ARL15: variants seen among roughly 807,000 people sequenced by gnomAD.
ARL15 encodes ARF like GTPase 15.
Under a neutral mutation model 25.2 loss-of-function variants are expected in ARL15, and 19 were observed. That is an observed-to-expected ratio of 0.75 (90% confidence interval 0.53 to 1.10). The LOEUF (loss-of-function observed/expected upper bound fraction) is 1.10, where lower values mean the gene tolerates loss of function less well. ARL15 is among the 50% of genes least tolerant of loss of function. The pLI is 0.00. For synonymous variants in ARL15, 94 were observed against 86.8 expected, an observed-to-expected ratio of 1.08 and a Z score of -0.46; for missense variants, 220 against 246.0, an observed-to-expected ratio of 0.89 and a Z score of 0.71.
intron 1 of ARL15, among the ~76,000 whole-genome samples, chr5:54,279,576 C>T (rs532942354): frequency 2.0e-5 from 3 of 152,204 alleles, no homozygotes; most frequent in Non-Finnish European, 2.9e-5. Flanking sequence ...CATCCCCAAA[C>T]ATCATCACAT....
At chr5:54,021,381 A>G (rs1391367232) in intron 4 of ARL15, among the ~76,000 whole-genome samples, 2 of 152,220 alleles carry the variant, frequency 1.3e-5, no homozygotes, top group African/African-American at 4.8e-5. Flanking sequence ...GCAATAATAA[A>G]GAAGCATAAA....
intron 4 of ARL15, among the ~76,000 whole-genome samples, chr5:54,026,050 A>G (rs1749778035): frequency 6.6e-6 from 1 of 152,238 alleles, no homozygotes; most frequent in Non-Finnish European, 1.5e-5. Flanking sequence ...CATTTATCAA[A>G]GAAGTAAATA....
At chr5:53,970,109 C>T (rs956648053) in intron 4 of ARL15, among the ~76,000 whole-genome samples, 22 of 152,078 alleles carry the variant, frequency 1.4e-4, no homozygotes, top group African/African-American at 5.3e-4. Flanking sequence ...AGAGGAAACT[C>T]CCCCCAAATG....
chr5:54,080,019 A>G (rs1203364663), intron 4 of ARL15, among the ~76,000 whole-genome samples: 1 of 144,944 alleles, frequency 6.9e-6, no homozygotes, highest in Non-Finnish European at 1.6e-5. Flanking sequence ...ACACACACAG[A>G]CACAGATGTA....
chr5:54,071,169 CA>C (rs71598898), intron 4 of ARL15, among the ~76,000 whole-genome samples: 28,484 of 137,556 alleles, frequency 0.21, 3,190 homozygotes, highest in African/African-American at 0.34. Context: ...GACCCTGTCT[CA>C]AAAAAAAAAA....
At position 54,049,879 on chromosome 5, in the gene ARL15, T is replaced by C. The variant is rs115994042; in HGVS notation, c.462+63323A>G. Among the ~76,000 whole-genome samples, 802 of 152,196 alleles carry C rather than the reference T, an allele frequency of 5.3e-3. 2 individuals are homozygous for C. The highest frequency in any genetic ancestry group is 0.012 in the Admixed American group (180 of 15,280). ...GAGCCACGACTCCCAGCCTGAAATA[T>C]AGATTTTAATCTTCAGCTTGCATTT... On this transcript the variant is annotated intron_variant, in intron 4 of 4. Transcript: ENST00000504924.
At chr5:54,266,320 C>T (rs1451372904) in intron 1 of ARL15, among the ~76,000 whole-genome samples, 1 of 152,194 alleles carries the variant, frequency 6.6e-6, no homozygotes, top group East Asian at 1.9e-4. Flanking sequence ...GGACCAGCTT[C>T]TGCCTGCTTT....
At chr5:54,230,132 AC>A (rs557368707) in intron 1 of ARL15, among the ~76,000 whole-genome samples, 2 of 152,074 alleles carry the variant, frequency 1.3e-5, no homozygotes, top group Non-Finnish European at 2.9e-5. Flanking sequence ...CAGGTGGATC[AC>A]AAGGTCAGGA....
intron 3 of ARL15, among the ~76,000 whole-genome samples, chr5:54,141,385 T>A (rs868638904): frequency 3.9e-5 from 6 of 152,186 alleles, no homozygotes; most frequent in African/African-American, 1.4e-4. Flanking sequence ...CAAGCTTTTT[T>A]TACCTTAATC....
At chr5:54,164,054 C>G (rs1754498456) in intron 2 of ARL15, among the ~76,000 whole-genome samples, 1 of 151,964 alleles carries the variant, frequency 6.6e-6, no homozygotes, top group African/African-American at 2.4e-5. Flanking sequence ...GTTTTATAGG[C>G]ACCACAAATT....
chr5:53,894,428 C>T (rs1744808588), intron 4 of ARL15, among the ~76,000 whole-genome samples: 1 of 152,090 alleles, frequency 6.6e-6, no homozygotes, highest in South Asian at 2.1e-4. Flanking sequence ...GGTGGTAGGA[C>T]CTAGGATCTG....
In ARL15 at chr5:54,287,328, T is replaced by A. The variant is rs548749262; in HGVS notation, c.48+23104A>T. On this transcript the variant is annotated intron_variant, in intron 1 of 4. Coordinates refer to ENST00000504924, the MANE Select transcript of ARL15 (RefSeq NM_019087.3). ...GCCAGACAAGTGCAATGTAAATGTG[T>A]TCAGCACAATCAGGGGTATGCACAA... Among the ~76,000 whole-genome samples the A allele has an allele frequency of 2.2e-4, 34 of 152,160 alleles. No individual in the cohort carries two copies. In the East Asian group the frequency reaches 4.6e-3, roughly 21 times the overall value.
chr5:54,055,422 G>T (rs931639082), intron 4 of ARL15, among the ~76,000 whole-genome samples: 2 of 133,568 alleles, frequency 1.5e-5, no homozygotes, highest in African/African-American at 5.6e-5. Context: ...GTGCTGTGGC[G>T]TGATCTTGGC....
intron 4 of ARL15, among the ~76,000 whole-genome samples, chr5:53,977,246 A>G (rs1399765463): frequency 1.3e-5 from 2 of 151,148 alleles, no homozygotes; most frequent in African/African-American, 4.9e-5. Flanking sequence ...AGTCCCAGCT[A>G]CTCGGAGGCT....
intron 4 of ARL15, among the ~76,000 whole-genome samples, chr5:54,101,940 T>C: frequency 6.6e-6 from 1 of 152,132 alleles, no homozygotes; most frequent in Non-Finnish European, 1.5e-5. Context: ...ATAATTTACA[T>C]ATTAAACATT....
chr5:54,048,557 C>A (rs1378906805), intron 4 of ARL15, among the ~76,000 whole-genome samples: 3 of 138,312 alleles, frequency 2.2e-5, no homozygotes, highest in African/African-American at 8.9e-5. Context: ...GCACCTGCCA[C>A]CACACCTGGC....
At chr5:54,209,026 A>G (rs1255349995) in intron 1 of ARL15, among the ~76,000 whole-genome samples, 1 of 152,238 alleles carries the variant, frequency 6.6e-6, no homozygotes, top group Non-Finnish European at 1.5e-5. Flanking sequence ...AAAATAGGAC[A>G]ATGACTAACT....
chr5:54,061,682 C>T (rs1021633896), intron 4 of ARL15, among the ~76,000 whole-genome samples: 9 of 152,160 alleles, frequency 5.9e-5, no homozygotes. Context: ...ATGGAAATGC[C>T]TGAATGCCCA....
intron 4 of ARL15, among the ~76,000 whole-genome samples, chr5:53,899,876 G>A (rs965992564): frequency 6.6e-6 from 1 of 152,070 alleles, no homozygotes; most frequent in Non-Finnish European, 1.5e-5. Flanking sequence ...TACAAATCAG[G>A]GACAGAAGAG....
Sources: gnomAD v4.1 joint callset for allele counts (sites outside exome capture counted in the v4.1 genomes callset) on GRCh38, gnomAD v4.1.1 for gene constraint, MANE v1.5 for transcripts, NCBI Gene and HGNC (gene_info 2026-07-23, HGNC 2026-07-21) for gene names.